The following ARHGAP24 variants were observed in gnomAD, a reference collection of about 807,000 sequenced individuals.
ARHGAP24 encodes Rho GTPase activating protein 24.
In ARHGAP24, 50 loss-of-function variants were observed where a neutral mutation model predicts 76.4. The observed-to-expected ratio is 0.65, with a 90% CI of 0.52 to 0.83. The LOEUF is 0.83. ARHGAP24 is among the 40% of genes least tolerant of loss of function. The probability of loss-of-function intolerance (pLI) is 0.00; values close to 1 mark genes in which losing one functional copy is unlikely to be tolerated. For synonymous variants in ARHGAP24, 345 were observed against 323.3 expected (o/e 1.07, Z -0.72); for missense variants, 930 against 914.2 (o/e 1.02, Z -0.22).
intron 2 of ARHGAP24, among the ~76,000 whole-genome samples, chr4:85,591,031 GTTTTTTTTTTTTTTTTTT>G: frequency 1.6e-5 from 1 of 62,654 alleles, no homozygotes; most frequent in South Asian, 7.5e-4. Context: ...AATCTGCTGG[GTTTTTTTTTTTTTTTTTT>G]TTTTTTTTTT....
chr4:85,629,191 A>G (rs1266119984), intron 2 of ARHGAP24, among the ~76,000 whole-genome samples: 1 of 152,158 alleles, frequency 6.6e-6, no homozygotes. Context: ...ATAACAGTCT[A>G]TTGCTAGCTT....
At chr4:85,755,157 T>A (rs923082137) in intron 3 of ARHGAP24, among the ~76,000 whole-genome samples, 22 of 152,302 alleles carry the variant, frequency 1.4e-4, no homozygotes, top group African/African-American at 5.3e-4. Flanking sequence ...ATTTTTCCAT[T>A]CCAATTTTCT....
At chr4:85,545,231 C>A (rs1039981419) in intron 1 of ARHGAP24, among the ~76,000 whole-genome samples, 35 of 152,068 alleles carry the variant, frequency 2.3e-4, no homozygotes, top group African/African-American at 8.2e-4. Flanking sequence ...TCCCGAGTAG[C>A]TGGGATTACA....
At chr4:85,982,936 A>G (rs1329488173) in intron 8 of ARHGAP24, among the ~76,000 whole-genome samples, 3 of 152,068 alleles carry the variant, frequency 2.0e-5, no homozygotes, top group East Asian at 1.9e-4. Context: ...CCTTCTCCCA[A>G]CAAACACCAG....
intron 3 of ARHGAP24, among the ~76,000 whole-genome samples, chr4:85,894,098 A>AT (rs1491188145): frequency 4.5e-5 from 5 of 110,568 alleles, no homozygotes; most frequent in East Asian, 3.3e-4. Context: ...TTAGAGTATA[A>AT]TAAAAAAAAA....
chr4:85,587,171 T>C (rs1202091571), intron 2 of ARHGAP24, among the ~76,000 whole-genome samples: 1 of 152,222 alleles, frequency 6.6e-6, no homozygotes, highest in Non-Finnish European at 1.5e-5. Flanking sequence ...GTGTTATTAA[T>C]AGTCATGTTT....
intron 3 of ARHGAP24, among the ~76,000 whole-genome samples, chr4:85,815,169 C>T (rs902021041): frequency 3.3e-5 from 5 of 152,128 alleles, no homozygotes; most frequent in African/African-American, 4.8e-5. Flanking sequence ...CCCAGGCCTC[C>T]AGGACTGTGA....
At chr4:85,745,474 T>C (rs2110063231) in intron 3 of ARHGAP24, among the ~76,000 whole-genome samples, 1 of 142,562 alleles carries the variant, frequency 7.0e-6, no homozygotes, top group Admixed American at 7.1e-5. Context: ...CCTGTGGTTC[T>C]CAGTTACTCA....
intron 3 of ARHGAP24, among the ~76,000 whole-genome samples, chr4:85,784,155 A>T (rs1355715564): frequency 6.6e-6 from 1 of 152,194 alleles, no homozygotes; most frequent in Non-Finnish European, 1.5e-5. Flanking sequence ...TAAATTCAAC[A>T]GCTTTTTATC....
chr4:85,784,525 T>C (rs1475951005), intron 3 of ARHGAP24, among the ~76,000 whole-genome samples: 2 of 152,020 alleles, frequency 1.3e-5, no homozygotes, highest in African/African-American at 4.8e-5. Flanking sequence ...AGATGCACAA[T>C]GCTCGCATCA....
At chr4:85,874,856 TATAA>T (rs565832454) in intron 3 of ARHGAP24, among the ~76,000 whole-genome samples, 184 of 105,292 alleles carry the variant, frequency 1.7e-3, no homozygotes, top group African/African-American at 6.5e-3. Flanking sequence ...ATAATTTATA[TATAA>T]ATATATTTTT....
At chr4:85,682,408 C>T (rs1723238772) in intron 2 of ARHGAP24, among the ~76,000 whole-genome samples, 1 of 152,100 alleles carries the variant, frequency 6.6e-6, no homozygotes, top group African/African-American at 2.4e-5. Flanking sequence ...TGCATTTTTA[C>T]AAAGCAGGAA....
At chr4:85,787,659 A>G (rs980125330) in intron 3 of ARHGAP24, among the ~76,000 whole-genome samples, 2 of 152,210 alleles carry the variant, frequency 1.3e-5, no homozygotes, top group Non-Finnish European at 2.9e-5. Flanking sequence ...CCTACCACTA[A>G]GAGCAAATAA....
intron 2 of ARHGAP24, among the ~76,000 whole-genome samples, chr4:85,611,674 A>C (rs970239812): frequency 7.2e-5 from 11 of 152,198 alleles, no homozygotes; most frequent in African/African-American, 2.4e-4. Flanking sequence ...TCATGAGGCA[A>C]ATGATTCAGG....
intron 7 of ARHGAP24, among the ~76,000 whole-genome samples, chr4:85,977,282 A>G (rs1739398961): frequency 6.6e-6 from 1 of 152,178 alleles, no homozygotes; most frequent in African/African-American, 2.4e-5. Flanking sequence ...TTGACTCTCA[A>G]GTCCATATTA....
At chr4:85,897,027 T>C (rs1439660902) in intron 3 of ARHGAP24, among the ~76,000 whole-genome samples, 2 of 152,312 alleles carry the variant, frequency 1.3e-5, no homozygotes, top group South Asian at 2.1e-4. Flanking sequence ...TGCAGCATAC[T>C]GAGAACTTTA....
chr4:85,963,116 G>C (rs974153419), intron 5 of ARHGAP24, among the ~76,000 whole-genome samples: 2 of 151,880 alleles, frequency 1.3e-5, no homozygotes, highest in African/African-American at 4.8e-5. Context: ...ACTTTCAAAT[G>C]TCAATACTTG....
chr4:85,758,586 C>A (rs767438058), intron 3 of ARHGAP24, among the ~76,000 whole-genome samples: 3 of 152,200 alleles, frequency 2.0e-5, no homozygotes, highest in South Asian at 2.1e-4. Flanking sequence ...TCATGTTTTG[C>A]AGTTTTATGC....
chr4:85,846,548 T>C (rs1730896417), intron 3 of ARHGAP24, among the ~76,000 whole-genome samples: 1 of 152,224 alleles, frequency 6.6e-6, no homozygotes, highest in African/African-American at 2.4e-5. Context: ...ACACTTTAAA[T>C]TTCTGTTGGA....
Sources: allele counts gnomAD v4.1 joint callset (sites outside exome capture counted in the v4.1 genomes callset), GRCh38; gene constraint gnomAD v4.1.1; transcripts MANE v1.5; gene names NCBI Gene and HGNC (gene_info 2026-07-23, HGNC 2026-07-21).